The following GATAD2A variants were observed in gnomAD, a reference collection of about 807,000 sequenced individuals.
GATAD2A encodes the protein GATA zinc finger domain containing 2A.
GATAD2A carries 12 observed loss-of-function variants against 68.5 expected under a neutral mutation model. The ratio of observed to expected loss-of-function variants is 0.18; its 90% CI spans 0.11 to 0.28. GATAD2A has a LOEUF of 0.28. Among genes scored for constraint, GATAD2A ranks in the 10% least tolerant of loss-of-function variants. The pLI is 1.00. For missense variants in GATAD2A, 755 were observed against 868.5 expected, an observed-to-expected ratio of 0.87 and a Z score of 1.64; for synonymous variants, 410 against 375.3, an observed-to-expected ratio of 1.09 and a Z score of -1.07.
At chr19:19,466,625 CAT>C (rs1395572276) in intron 2 of GATAD2A, among the ~76,000 whole-genome samples, 3 of 152,230 alleles carry the variant, frequency 2.0e-5, no homozygotes, top group African/African-American at 7.2e-5. Context: ...CTTCAGAGAT[CAT>C]CTGGTGTTCA....
chr19:19,440,995 C>T (rs377094692), intron 1 of GATAD2A, among the ~76,000 whole-genome samples: 23 of 82,856 alleles, frequency 2.8e-4, no homozygotes, highest in African/African-American at 5.9e-4. Context: ...CTTTCCTTCC[C>T]TTCCTTCCCT....
At chr19:19,466,874 A>G (rs566346256) in intron 2 of GATAD2A, among the ~76,000 whole-genome samples, 5 of 152,306 alleles carry the variant, frequency 3.3e-5, no homozygotes, top group Non-Finnish European at 4.4e-5. Flanking sequence ...AGACCAGTCC[A>G]TGACAGCTCA....
At position 19,506,272 on chromosome 19, in the gene GATAD2A, C is replaced by G. The variant is rs577730728; in HGVS notation, c.*798C>G. On this transcript the variant is annotated 3_prime_UTR_variant, in exon 12 of 12. Coordinates refer to ENST00000683918, the MANE Select transcript of GATAD2A (RefSeq NM_001384528.1). The stretch of plus-strand genomic sequence containing the variant: ...AGAACAAACTGAAGAACAGACCCAG[C>G]CAGAGAAGCAGGGATTCCAGAAGCT... The G allele has an allele frequency of 5.0e-6, 2 of 398,104 alleles. No individual in the cohort carries two copies. The highest frequency in any genetic ancestry group is 4.4e-5 in the Admixed American group (1 of 22,728). The allele number at this position is 398,104 out of a possible 1,614,324, so 24.7% of individuals were successfully genotyped here. A position where few individuals can be genotyped will look rare whatever the true frequency, so the allele number is the denominator to read the frequency against.
upstream of GATAD2A, among the ~76,000 whole-genome samples, chr19:19,403,341 T>TCACTTACCATCTACC (rs748854950): frequency 5.3e-4 from 81 of 152,116 alleles, no homozygotes; most frequent in Non-Finnish European, 1.0e-3. Context: ...GGATTCACTG[T>TCACTTACCATCTACC]CACTTACCAT....
chr19:19,445,935 A>T (rs981319431), intron 1 of GATAD2A, among the ~76,000 whole-genome samples: 2 of 152,182 alleles, frequency 1.3e-5, no homozygotes, highest in African/African-American at 4.8e-5. Context: ...TATACCTACA[A>T]GTGGACTTGC....
At chr19:19,386,212 C>T (rs967183252) in intron 1 of GATAD2A, 5 of 152,496 alleles carry the variant, frequency 3.3e-5, no homozygotes, top group African/African-American at 4.8e-5. Context: ...TTCCGCTTCT[C>T]CCGCACTACC....
At chr19:19,422,802 C>T (rs1375136818) in intron 1 of GATAD2A, among the ~76,000 whole-genome samples, 2 of 151,572 alleles carry the variant, frequency 1.3e-5, no homozygotes, top group Non-Finnish European at 2.9e-5. Context: ...AGCTCCGCCT[C>T]CCGGGTTCAT....
At chr19:19,490,602 C>CA (rs1031969220) in intron 2 of GATAD2A, among the ~76,000 whole-genome samples, 29 of 151,648 alleles carry the variant, frequency 1.9e-4, no homozygotes, top group South Asian at 2.1e-4. Flanking sequence ...TTCCTGCTGA[C>CA]AAAAAAAATG....
At chr19:19,483,230 T>A (rs2059180776) in intron 2 of GATAD2A, among the ~76,000 whole-genome samples, 1 of 152,150 alleles carries the variant, frequency 6.6e-6, no homozygotes, top group South Asian at 2.1e-4. Flanking sequence ...CCACACAGAC[T>A]CTCTCTCTTT....
chr19:19,474,260 G>A (rs909961017), intron 2 of GATAD2A: 6 of 607,802 alleles, frequency 9.9e-6, no homozygotes, highest in African/African-American at 2.0e-5. Context: ...CGACAACCAC[G>A]TGAGCATGGG....
chr19:19,413,854 G>A (rs775628736), intron 1 of GATAD2A, among the ~76,000 whole-genome samples: 2 of 152,100 alleles, frequency 1.3e-5, no homozygotes, highest in Non-Finnish European at 2.9e-5. Context: ...CAAAGTACTG[G>A]GATTACAGGT....
At chr19:19,418,525 G>A (rs1682130880) in intron 1 of GATAD2A, among the ~76,000 whole-genome samples, 1 of 152,204 alleles carries the variant, frequency 6.6e-6, no homozygotes, top group African/African-American at 2.4e-5. Context: ...AGCAGTTGGA[G>A]GTATCGGGAA....
intron 4 of GATAD2A, among the ~76,000 whole-genome samples, chr19:19,493,589 A>C (rs1301342881): frequency 6.6e-6 from 1 of 152,116 alleles, no homozygotes; most frequent in Non-Finnish European, 1.5e-5. Flanking sequence ...TGTTCTGGGA[A>C]ACTCCGACCT....
chr19:19,402,489 C>T, upstream of GATAD2A: 1 of 150,966 alleles, frequency 6.6e-6, no homozygotes. Context: ...GAGATTGAGA[C>T]CATCCTGGCC....
At chr19:19,505,201 TGAG>T in intron 11 of GATAD2A, 140 bp from the exon 12 acceptor site, 2 of 684,646 alleles carry the variant, frequency 2.9e-6, no homozygotes, top group Non-Finnish European at 5.0e-6. Context: ...AAACGTTGAT[TGAG>T]GAGTAGTGTG....
chr19:19,400,163 A>C (rs1317170292), intron 1 of GATAD2A, among the ~76,000 whole-genome samples: 1 of 152,146 alleles, frequency 6.6e-6, no homozygotes, highest in East Asian at 1.9e-4. Context: ...ACAGAGTGGG[A>C]GATACACTTC....
At chr19:19,418,965 G>T (rs2051991891) in intron 1 of GATAD2A, among the ~76,000 whole-genome samples, 1 of 152,146 alleles carries the variant, frequency 6.6e-6, no homozygotes, top group Non-Finnish European at 1.5e-5. Flanking sequence ...GATGAGTTAG[G>T]TGGGAGTGGG....
intron 10 of GATAD2A, 67 bp from the exon 11 acceptor site, chr19:19,502,264 C>T (rs915098065): frequency 2.1e-5 from 26 of 1,263,440 alleles, no homozygotes; most frequent in African/African-American, 1.8e-4. Context: ...GGAGAGGCTG[C>T]GCTGAGTGTC....
At chr19:19,456,445 C>T (rs2056944653) in intron 1 of GATAD2A, among the ~76,000 whole-genome samples, 1 of 152,174 alleles carries the variant, frequency 6.6e-6, no homozygotes, top group African/African-American at 2.4e-5. Context: ...TTGTATATTT[C>T]TTAGCCACTG....
Sources: gnomAD v4.1 joint callset for allele counts (sites outside exome capture counted in the v4.1 genomes callset) on GRCh38, gnomAD v4.1.1 for gene constraint, MANE v1.5 for transcripts, NCBI Gene and HGNC (gene_info 2026-07-23, HGNC 2026-07-21) for gene names.